RHBDL3: variants seen among roughly 807,000 people sequenced by gnomAD.
The protein encoded by RHBDL3 is rhomboid like 3, also known as rhomboid-related protein 3.
In RHBDL3, 28 loss-of-function variants were observed where a neutral mutation model predicts 48.2. That is an observed-to-expected ratio of 0.58 (90% CI 0.43 to 0.80). The LOEUF (loss-of-function observed/expected upper bound fraction) is 0.80. Among genes scored for constraint, RHBDL3 ranks in the 30% least tolerant of loss-of-function variants. The pLI is 0.00. For missense variants in RHBDL3, 464 were observed against 542.7 expected, an observed-to-expected ratio of 0.85 and a Z score of 1.44; for synonymous variants, 208 against 232.3, an observed-to-expected ratio of 0.90 and a Z score of 0.95.
intron 8 of RHBDL3, among the ~76,000 whole-genome samples, chr17:32,318,354 A>C (rs1182037599): frequency 3.4e-5 from 5 of 148,848 alleles, no homozygotes; most frequent in Admixed American, 3.4e-4. Context: ...AGAAAAGAAA[A>C]GGCCAGGCGC....
chr17:32,320,420 G>A (rs375102281), intron 8 of RHBDL3, among the ~76,000 whole-genome samples: 1 of 152,156 alleles, frequency 6.6e-6, no homozygotes, highest in Non-Finnish European at 1.5e-5. Flanking sequence ...TCCACCTCCT[G>A]GGTTCAAGCA....
chr17:32,284,581 T>G (rs1597633345), intron 2 of RHBDL3, 78 bp from the exon 3 acceptor site: 1 of 1,416,704 alleles, frequency 7.1e-7, no homozygotes, highest in Non-Finnish European at 9.8e-7. Flanking sequence ...TGAATAGTGG[T>G]GGAGATCAGG....
At chr17:32,320,570 C>A (rs977543832) in intron 8 of RHBDL3, among the ~76,000 whole-genome samples, 1 of 152,160 alleles carries the variant, frequency 6.6e-6, no homozygotes, top group Non-Finnish European at 1.5e-5. Flanking sequence ...GTGATCCACC[C>A]GCCTCGGCCT....
chr17:32,303,270 C>A (rs1301764272), intron 6 of RHBDL3, among the ~76,000 whole-genome samples: 1 of 152,132 alleles, frequency 6.6e-6, no homozygotes, highest in Admixed American at 6.5e-5. Flanking sequence ...TTTGTACAGA[C>A]CTGCTCTGAG....
chr17:32,285,137 A>AGAGG (rs2040164432), intron 3 of RHBDL3, among the ~76,000 whole-genome samples: 2 of 137,038 alleles, frequency 1.5e-5, no homozygotes, highest in South Asian at 5.5e-4. Context: ...AGGGAGAGAG[A>AGAGG]GAGGGAGGGA....
At chr17:32,300,870 T>C (rs1308607752) in intron 6 of RHBDL3, among the ~76,000 whole-genome samples, 3 of 149,896 alleles carry the variant, frequency 2.0e-5, no homozygotes, top group Non-Finnish European at 4.4e-5. Flanking sequence ...CCAAGCCCTG[T>C]GCTTCTTTCC....
At chr17:32,319,685 A>G (rs1008468828) in intron 8 of RHBDL3, among the ~76,000 whole-genome samples, 1 of 152,170 alleles carries the variant, frequency 6.6e-6, no homozygotes, top group Non-Finnish European at 1.5e-5. Flanking sequence ...AGGGAAATGA[A>G]GGTCCCTGGA....
intron 2 of RHBDL3, among the ~76,000 whole-genome samples, chr17:32,273,229 T>G (rs927304414): frequency 4.6e-5 from 7 of 152,196 alleles, no homozygotes; most frequent in Non-Finnish European, 7.4e-5. Flanking sequence ...CTCGAACTCC[T>G]GACCTCAGGT....
At chr17:32,276,402 C>A (rs192791593) in intron 2 of RHBDL3, among the ~76,000 whole-genome samples, 1 of 152,166 alleles carries the variant, frequency 6.6e-6, no homozygotes, top group African/African-American at 2.4e-5. Flanking sequence ...CTAACCTCCC[C>A]GCTGACCTTG....
chr17:32,306,978 G>A (rs990338041), intron 7 of RHBDL3, among the ~76,000 whole-genome samples: 3 of 152,156 alleles, frequency 2.0e-5, no homozygotes, highest in African/African-American at 2.4e-5. Context: ...GAAATAAAGT[G>A]CAAATAACCA....
In RHBDL3 at chr17:32,286,806, A is replaced by G. The variant is rs1228974623; in HGVS notation, c.295-1986A>G. On this transcript the variant is annotated intron_variant, in intron 3 of 8. Coordinates refer to ENST00000269051, the MANE Select transcript of RHBDL3 (RefSeq NM_138328.3). ...TGAGTGTGCAGGTTGTATACTGTAC[A>G]ATGGTGCCTAGCTGAGAGATGATGG... Among the ~76,000 whole-genome samples, 3 of 152,220 alleles carry G rather than the reference A, an allele frequency of 2.0e-5. No homozygotes were observed. The East Asian group carries it at 5.8e-4, about 29-fold the overall frequency.
intron 3 of RHBDL3, among the ~76,000 whole-genome samples, chr17:32,286,236 C>T (rs148660236): frequency 1.3e-5 from 2 of 152,302 alleles, no homozygotes; most frequent in East Asian, 3.9e-4. Context: ...TCTTAGGGCA[C>T]GTGGGGCCCA....
intron 2 of RHBDL3, 65 bp downstream of exon 2, chr17:32,267,990 C>A: frequency 8.0e-7 from 1 of 1,248,828 alleles, no homozygotes; most frequent in Non-Finnish European, 1.2e-6. Flanking sequence ...AGTCTCCCTG[C>A]TTGCGTGGGC....
Position 32,298,167 on chromosome 17 carries a change from C to G in RHBDL3, c.744C>G (p.Thr248=), listed in dbSNP as rs1197922687. ...GVPLEMVHGA[T]RIGLVYVAGV... is the part of the protein sequence containing the mutation. Reference sequence around the variant, plus strand: ...CCCTGGAGATGGTGCATGGAGCCACCCGAATTGGGCTTGTCTACGTGGCCG... The same window carrying G: ...CCCTGGAGATGGTGCATGGAGCCACGCGAATTGGGCTTGTCTACGTGGCCG... The change falls in exon 6 of 9, where the codon ACC becomes ACG. Residue 248 remains threonine (T), a synonymous_variant. Coordinates refer to ENST00000269051, the MANE Select transcript of RHBDL3 (RefSeq NM_138328.3). The G allele has an allele frequency of 6.2e-7, 1 of 1,613,782 alleles. No homozygotes were observed. The highest frequency in any genetic ancestry group is 1.3e-5 in the African/African-American group (1 of 74,918).
At chr17:32,266,466 C>T (rs2039634093) in intron 1 of RHBDL3, among the ~76,000 whole-genome samples, 166 bp downstream of exon 1, 1 of 152,182 alleles carries the variant, frequency 6.6e-6, no homozygotes, top group Admixed American at 6.5e-5. Flanking sequence ...ACCGGTCTCC[C>T]CGAAACGCGC....
intron 1 of RHBDL3, 184 bp from the exon 2 acceptor site, chr17:32,267,718 T>G: frequency 1.7e-6 from 2 of 1,194,852 alleles, no homozygotes; most frequent in Non-Finnish European, 1.1e-6. Flanking sequence ...TGTGGACTCA[T>G]TGGGGAGCTC....
At chr17:32,302,585 T>G (rs2040612769) in intron 6 of RHBDL3, among the ~76,000 whole-genome samples, 1 of 151,848 alleles carries the variant, frequency 6.6e-6, no homozygotes, top group Non-Finnish European at 1.5e-5. Flanking sequence ...TTCACCATGT[T>G]GGCTAGATTG....
chr17:32,275,255 G>A (rs975112413), intron 2 of RHBDL3, among the ~76,000 whole-genome samples: 4 of 152,192 alleles, frequency 2.6e-5, no homozygotes, highest in Admixed American at 6.5e-5. Flanking sequence ...CAGGCGGCGC[G>A]TCAGGCTGGG....
At chr17:32,268,821 G>A (rs1386958745) in intron 2 of RHBDL3, among the ~76,000 whole-genome samples, 1 of 152,112 alleles carries the variant, frequency 6.6e-6, no homozygotes, top group African/African-American at 2.4e-5. Flanking sequence ...GGGTTGTTAT[G>A]TGATCCAAGC....
Sources: allele counts gnomAD v4.1 joint callset (sites outside exome capture counted in the v4.1 genomes callset), GRCh38; gene constraint gnomAD v4.1.1; transcripts MANE v1.5; gene names NCBI Gene and HGNC (gene_info 2026-07-23, HGNC 2026-07-21).